Variants in ANK2 observed in about 807,000 individuals in gnomAD.
The protein encoded by ANK2 is ankyrin 2.
In ANK2, 83 loss-of-function variants were observed where a neutral mutation model predicts 360.5. The observed-to-expected ratio is 0.23, with a 90% CI of 0.19 to 0.28. The LOEUF is 0.28. ANK2 is among the 10% of genes least tolerant of loss of function. The pLI is 1.00. For missense variants in ANK2, 4,201 were observed against 4,795.7 expected (o/e 0.88, Z 3.66); for synonymous variants, 1,740 against 1,759.5 (o/e 0.99, Z 0.28).
chr4:113,353,340 T>C lies in ANK2; in HGVS notation c.4722T>C (p.Asp1574=), dbSNP rs1299681738. The C allele has an allele frequency of 1.2e-6, 2 of 1,613,972 alleles. No individual in the cohort carries two copies. The highest frequency in any genetic ancestry group is 1.1e-5 in the South Asian group (1 of 91,074). The change falls in exon 38 of 46, where the codon GAT becomes GAC. Residue 1574 remains aspartate (D), a synonymous_variant. Coordinates refer to ENST00000357077, the MANE Select transcript of ANK2 (RefSeq NM_001148.6). ...TGAGAAGTGGAACCTGCACAAGAGA[T>C]GAAAGCAGTGTGCAGAGCTCTCGGT... The part of the protein sequence containing the change: ...EILRSGTCTR[D]ESSVQSSRSE...
At chr4:113,378,569 A>G (rs117574685) in intron 45 of ANK2, among the ~76,000 whole-genome samples, 1 of 152,242 alleles carries the variant, frequency 6.6e-6, no homozygotes, top group African/African-American at 2.4e-5. Context: ...ATTCAGCTCA[A>G]TCTTAGTAAA....
chr4:113,180,678 TA>T (rs971422341), intron 2 of ANK2, among the ~76,000 whole-genome samples: 9 of 152,204 alleles, frequency 5.9e-5, no homozygotes, highest in Admixed American at 4.6e-4. Flanking sequence ...TTAAAAATAC[TA>T]AAAACAATTC....
chr4:113,376,043 A>C (rs151034354), intron 45 of ANK2, among the ~76,000 whole-genome samples: 106 of 152,328 alleles, frequency 7.0e-4, no homozygotes, highest in African/African-American at 2.4e-3. Flanking sequence ...TTTTTGCATG[A>C]GTGAAAAATC....
chr4:112,815,260 T>G (rs368076372), upstream of ANK2, among the ~76,000 whole-genome samples: 20 of 152,196 alleles, frequency 1.3e-4, no homozygotes, highest in African/African-American at 4.8e-4. Flanking sequence ...GATATTTGTG[T>G]GGAAACAGTA....
In ANK2 at chr4:113,117,652, C is replaced by CT. The variant is rs1034620984; in HGVS notation, c.85-56755dup. On this transcript the variant is annotated intron_variant, in intron 1 of 45. Transcript: ENST00000357077. Reference sequence around the variant, plus strand: ...GCAAAAATGCCTCCACTTCATTTTTCTTTTTTTTTGTCTCAATTATCTTTA... The same window carrying CT: ...GCAAAAATGCCTCCACTTCATTTTTCTTTTTTTTTTGTCTCAATTATCTTTA... Among the ~76,000 whole-genome samples, 92 of 151,316 alleles carry CT rather than the reference C, an allele frequency of 6.1e-4. 1 individual carries two copies. The highest frequency in any genetic ancestry group is 4.6e-3 in the East Asian group (24 of 5,170).
intron 2 of ANK2, among the ~76,000 whole-genome samples, chr4:112,942,926 T>C (rs2094332453): frequency 6.6e-6 from 1 of 152,056 alleles, no homozygotes; most frequent in Admixed American, 6.6e-5. Flanking sequence ...ATCTAAAGTA[T>C]TATCAACATG....
chr4:113,271,493 C>T (rs935779014), intron 14 of ANK2, among the ~76,000 whole-genome samples: 1 of 151,902 alleles, frequency 6.6e-6, no homozygotes, highest in Non-Finnish European at 1.5e-5. Flanking sequence ...CACACACACA[C>T]ACACACACAC....
intron 45 of ANK2, among the ~76,000 whole-genome samples, chr4:113,374,171 G>C (rs1048116280): frequency 2.0e-5 from 3 of 152,094 alleles, no homozygotes; most frequent in African/African-American, 2.4e-5. Flanking sequence ...TGATCCACCC[G>C]CCTCAGCCTC....
chr4:112,969,924 A>T (rs1055760278), intron 2 of ANK2, among the ~76,000 whole-genome samples: 3 of 152,176 alleles, frequency 2.0e-5, no homozygotes, highest in South Asian at 2.1e-4. Flanking sequence ...TTTTTGATGC[A>T]GGCCCCTGTC....
chr4:113,293,591 TA>T, intron 22 of ANK2, 53 bp downstream of exon 22: 1 of 1,477,260 alleles, frequency 6.8e-7, no homozygotes, highest in Non-Finnish European at 9.4e-7. Flanking sequence ...GTTTTCAAAC[TA>T]AATACATGTA....
In ANK2 at chr4:113,292,293, G is replaced by A. The variant is rs2068107318; in HGVS notation, c.2278-123G>A. Reference sequence around the variant, plus strand: ...GAGAAATGGGTTGCTGATCATCTTGGGCTCCAAATAAAGCATCTGTGATGG... The same window carrying A: ...GAGAAATGGGTTGCTGATCATCTTGAGCTCCAAATAAAGCATCTGTGATGG... On this transcript the variant is annotated intron_variant, in intron 20 of 45. Coordinates refer to ENST00000357077, the MANE Select transcript of ANK2 (RefSeq NM_001148.6). 30 of 893,374 alleles carry A rather than the reference G, an allele frequency of 3.4e-5. No individual in the cohort carries two copies. The South Asian group carries it at 4.1e-4, about 12-fold the overall frequency. 55.3% of individuals were successfully genotyped at this position (893,374 alleles called of 1,614,324 possible). A position where few individuals can be genotyped will look rare whatever the true frequency, so the allele number is the denominator to read the frequency against.
rs757033443 is a variant in ANK2 at position 113,365,074 on chromosome 4, C to A, written c.10924C>A (p.Arg3642=). ...NLVECLTKIN[R]MDIVHLMETN... is the part of the protein sequence containing the mutation. ...CGTTGAATGTCTCACCAAGATCAAC[C>A]GAATGGATATTGTTCATCTCATGGA... Residue 3642 remains arginine, a synonymous_variant, in exon 41 of 46, where the codon CGA becomes AGA. Coordinates refer to ENST00000357077, the MANE Select transcript of ANK2 (RefSeq NM_001148.6). The A allele has an allele frequency of 8.1e-6, 13 of 1,613,798 alleles. No homozygotes were observed. In the Admixed American group the frequency reaches 1.0e-4, roughly 12 times the overall value.
At chr4:113,287,540 T>C in intron 18 of ANK2, 65 bp from the exon 19 acceptor site, 9 of 1,196,714 alleles carry the variant, frequency 7.5e-6, no homozygotes, top group Non-Finnish European at 1.1e-5. Flanking sequence ...TTTTTCATAA[T>C]ATTATAGATG....
chr4:112,817,077 C>A (rs1387841454), upstream of ANK2, among the ~76,000 whole-genome samples: 2 of 152,164 alleles, frequency 1.3e-5, no homozygotes, highest in Non-Finnish European at 2.9e-5. Flanking sequence ...AGAATTACAT[C>A]ATTTCTGGTC....
chr4:113,360,732 G>T, intron 38 of ANK2, 91 bp from the exon 39 acceptor site: 2 of 1,134,826 alleles, frequency 1.8e-6, no homozygotes, highest in South Asian at 2.6e-5. Context: ...AATATTTGGA[G>T]AAGTGACTTC....
chr4:113,320,429 G>A (rs913573187), intron 26 of ANK2, among the ~76,000 whole-genome samples: 4 of 152,096 alleles, frequency 2.6e-5, no homozygotes, highest in Non-Finnish European at 4.4e-5. Context: ...CGAGGTGGAC[G>A]GATCATGAGG....
intron 1 of ANK2, among the ~76,000 whole-genome samples, chr4:113,170,146 T>C (rs1378114379): frequency 6.6e-6 from 1 of 152,194 alleles, no homozygotes; most frequent in Non-Finnish European, 1.5e-5. Context: ...CTTTATTTGC[T>C]TGGAGAGGAA....
At position 112,865,476 on chromosome 4, in the gene ANK2, A is replaced by T. The variant is rs549620422; in HGVS notation, c.-39-38979A>T. On this transcript the variant is annotated intron_variant, in intron 1 of 30. Transcript: ENST00000503271. ...GATTTCTGAGTATATGAAAAGTATT[A>T]CTATGCCATATAAAAAAAGATTTAT... 2.6e-5 allele frequency among the ~76,000 whole-genome samples: 4 copies of T among 152,344 alleles called. No individual in the cohort carries two copies. In the East Asian group the frequency reaches 7.7e-4, roughly 29 times the overall value.
At chr4:113,147,172 G>C (rs1168994038) in intron 1 of ANK2, among the ~76,000 whole-genome samples, 1 of 150,814 alleles carries the variant, frequency 6.6e-6, no homozygotes, top group Admixed American at 6.6e-5. Flanking sequence ...CAAAAACGAA[G>C]AAAAAAAAAG....
Sources: gnomAD v4.1 joint callset for allele counts (sites outside exome capture counted in the v4.1 genomes callset) on GRCh38, gnomAD v4.1.1 for gene constraint, MANE v1.5 for transcripts, NCBI Gene and HGNC (gene_info 2026-07-23, HGNC 2026-07-21) for gene names.